RALGAPA2: variants seen among roughly 807,000 people sequenced by gnomAD.
RALGAPA2 encodes Ral GTPase activating protein catalytic subunit alpha 2.
RALGAPA2 carries 139 observed loss-of-function variants against 230.4 expected under a neutral mutation model. The ratio of observed to expected loss-of-function variants is 0.60; its 90% CI spans 0.53 to 0.69. RALGAPA2 has a LOEUF of 0.69. RALGAPA2 is among the 30% of genes least tolerant of loss of function. The pLI, the probability that RALGAPA2 is intolerant of heterozygous loss-of-function variation, is 0.00. For synonymous variants in RALGAPA2, 847 were observed against 837.8 expected (o/e 1.01, Z -0.19); for missense variants, 2,163 against 2,276.0 (o/e 0.95, Z 1.01).
intron 37 of RALGAPA2, among the ~76,000 whole-genome samples, chr20:20,453,730 G>A (rs979828622): frequency 2.6e-5 from 4 of 152,148 alleles, no homozygotes; most frequent in African/African-American, 9.7e-5. Flanking sequence ...ATTCAACAAA[G>A]AGCCCCTCCA....
At position 20,704,845 on chromosome 20, in the gene RALGAPA2, C is replaced by T. The variant is rs78284144; in HGVS notation, c.106+7530G>A. ...CCATTGTGCACTTAACTCCATGGTG[C>T]TACACACCATTACCTTTGCACAAGC... On this transcript the variant is annotated intron_variant, in intron 1 of 39. Coordinates refer to ENST00000202677, the MANE Select transcript of RALGAPA2 (RefSeq NM_020343.4). 7.6e-3 allele frequency among the ~76,000 whole-genome samples: 1,159 copies of T among 152,304 alleles called. 14 individuals carry two copies. Among genetic ancestry groups the T allele is most frequent in the African/African-American group, 0.026 (1,062 of 41,554 alleles).
At chr20:20,491,526 T>C (rs1237010178) in intron 36 of RALGAPA2, among the ~76,000 whole-genome samples, 1 of 152,174 alleles carries the variant, frequency 6.6e-6, no homozygotes, top group Non-Finnish European at 1.5e-5. Flanking sequence ...ACACCAATAT[T>C]ACTTTCCAGA....
intron 35 of RALGAPA2, among the ~76,000 whole-genome samples, chr20:20,496,865 C>T (rs370753445): frequency 1.3e-5 from 2 of 152,294 alleles, no homozygotes; most frequent in East Asian, 3.9e-4. Flanking sequence ...AATGACTGTA[C>T]AGGCCAATTA....
At chr20:20,481,760 G>A (rs1481263885) in intron 36 of RALGAPA2, among the ~76,000 whole-genome samples, 2 of 152,142 alleles carry the variant, frequency 1.3e-5, no homozygotes, top group Admixed American at 6.5e-5. Context: ...CTGGGATTTA[G>A]GATGCTGGAC....
rs2069108821 is a variant in RALGAPA2 at position 20,696,234 on chromosome 20, GC to G, written c.107-15434del. On this transcript the variant is annotated intron_variant, in intron 1 of 39. Transcript: ENST00000202677. ...CCCATCTTCCTTAACACCTTTGCTTGCTACAGATTCCACAGCCACTCATTCC... is the reference window on the plus strand; with the variant it reads ...CCCATCTTCCTTAACACCTTTGCTTGTACAGATTCCACAGCCACTCATTCC... Among the ~76,000 whole-genome samples the G allele has an allele frequency of 2.6e-5, 4 of 152,112 alleles. No individual in the cohort carries two copies. In the South Asian group the frequency reaches 8.3e-4, roughly 31 times the overall value.
At chr20:20,684,889 C>T (rs2068646262) in intron 1 of RALGAPA2, among the ~76,000 whole-genome samples, 1 of 152,154 alleles carries the variant, frequency 6.6e-6, no homozygotes, top group African/African-American at 2.4e-5. Flanking sequence ...AACCAAATAA[C>T]AAATATCAGA....
At chr20:20,441,316 G>C (rs987833617) in intron 37 of RALGAPA2, among the ~76,000 whole-genome samples, 4 of 152,238 alleles carry the variant, frequency 2.6e-5, no homozygotes, top group African/African-American at 9.6e-5. Context: ...TGGGAAGTGG[G>C]ACAGCCGTTA....
chr20:20,405,033 A>G (rs2059917781), intron 38 of RALGAPA2, among the ~76,000 whole-genome samples: 1 of 152,098 alleles, frequency 6.6e-6, no homozygotes, highest in African/African-American at 2.4e-5. Context: ...ACTATCCTCT[A>G]TCTTTTTATT....
At chr20:20,680,225 T>C (rs1421309634) in intron 2 of RALGAPA2, among the ~76,000 whole-genome samples, 1 of 152,250 alleles carries the variant, frequency 6.6e-6, no homozygotes, top group Non-Finnish European at 1.5e-5. Context: ...TAATGTGACC[T>C]TGTTGGTTTG....
At chr20:20,685,859 G>C (rs1361100936) in intron 1 of RALGAPA2, among the ~76,000 whole-genome samples, 1 of 152,112 alleles carries the variant, frequency 6.6e-6, no homozygotes, top group Non-Finnish European at 1.5e-5. Context: ...ATGGCTTCCA[G>C]GGTTTGGCAT....
chr20:20,549,072 T>C (rs1332334958), intron 23 of RALGAPA2, among the ~76,000 whole-genome samples: 2 of 152,208 alleles, frequency 1.3e-5, no homozygotes, highest in Non-Finnish European at 2.9e-5. Flanking sequence ...TTTAAAAATC[T>C]TTAGCACATA....
chr20:20,525,085 C>T (rs540978436), intron 28 of RALGAPA2, among the ~76,000 whole-genome samples, 187 bp from the exon 29 acceptor site: 1 of 152,308 alleles, frequency 6.6e-6, no homozygotes, highest in East Asian at 1.9e-4. Context: ...AATGGGGCCA[C>T]ATCCAGTTTC....
chr20:20,622,788 A>G (rs1445983550), intron 10 of RALGAPA2, among the ~76,000 whole-genome samples: 1 of 152,190 alleles, frequency 6.6e-6, no homozygotes, highest in Non-Finnish European at 1.5e-5. Context: ...TAAATGAACA[A>G]AACATATATA....
chr20:20,463,450 G>C (rs1214161178), intron 37 of RALGAPA2, among the ~76,000 whole-genome samples: 1 of 152,068 alleles, frequency 6.6e-6, no homozygotes, highest in Non-Finnish European at 1.5e-5. Flanking sequence ...TGTGATATAA[G>C]TATCAAAGCC....
intron 1 of RALGAPA2, among the ~76,000 whole-genome samples, chr20:20,683,557 G>A (rs1370244448): frequency 1.3e-5 from 2 of 152,182 alleles, no homozygotes; most frequent in Admixed American, 1.3e-4. Context: ...GGCCCCTGCA[G>A]GATGCTACCC....
chr20:20,525,833 C>T (rs543569264), intron 28 of RALGAPA2, among the ~76,000 whole-genome samples: 2 of 152,166 alleles, frequency 1.3e-5, no homozygotes, highest in African/African-American at 4.8e-5. Flanking sequence ...GGTAATCATG[C>T]TAGGGCAGAA....
At chr20:20,681,194 T>C (rs1384488200) in intron 1 of RALGAPA2, among the ~76,000 whole-genome samples, 1 of 152,104 alleles carries the variant, frequency 6.6e-6, no homozygotes, top group African/African-American at 2.4e-5. Flanking sequence ...AGGGATGGGT[T>C]TGTACCTCTG....
At chr20:20,623,065 C>A (rs1433733643) in intron 10 of RALGAPA2, among the ~76,000 whole-genome samples, 1 of 152,042 alleles carries the variant, frequency 6.6e-6, no homozygotes, top group Admixed American at 6.5e-5. Context: ...ATATTAAAAA[C>A]AATGAGCTTG....
At chr20:20,501,327 C>G (rs1378203148) in intron 35 of RALGAPA2, among the ~76,000 whole-genome samples, 2 of 152,250 alleles carry the variant, frequency 1.3e-5, no homozygotes, top group Non-Finnish European at 2.9e-5. Context: ...CATCAGTGAT[C>G]TTAGTTAGAT....
Sources: allele counts gnomAD v4.1 joint callset (sites outside exome capture counted in the v4.1 genomes callset), GRCh38; gene constraint gnomAD v4.1.1; transcripts MANE v1.5; gene names NCBI Gene and HGNC (gene_info 2026-07-23, HGNC 2026-07-21).